The following DLC1 variants were observed in gnomAD, a reference collection of about 807,000 sequenced individuals.
The protein encoded by DLC1 is DLC1 Rho GTPase activating protein.
Under a neutral mutation model 140.3 loss-of-function variants are expected in DLC1, and 54 were observed. The observed-to-expected ratio is 0.38, with a 90% CI of 0.31 to 0.48. The LOEUF is 0.48. Among genes scored for constraint, DLC1 ranks in the 20% least tolerant of loss-of-function variants. The pLI, the probability that DLC1 is intolerant of heterozygous loss-of-function variation, is 0.96. For synonymous variants in DLC1, 986 were observed against 728.1 expected (o/e 1.35, Z -5.70); for missense variants, 2,536 against 1,907.0 (o/e 1.33, Z -6.14).
intron 5 of DLC1, among the ~76,000 whole-genome samples, chr8:13,175,500 T>G (rs185434653): frequency 5.3e-4 from 81 of 152,288 alleles, no homozygotes; most frequent in African/African-American, 1.9e-3. Context: ...TTTCAACTTT[T>G]AACCGTCTGT....
intron 5 of DLC1, among the ~76,000 whole-genome samples, chr8:13,200,002 T>G (rs1827290255): frequency 6.6e-6 from 1 of 152,182 alleles, no homozygotes; most frequent in Non-Finnish European, 1.5e-5. Context: ...GTTAGATGTA[T>G]TAATTCACTT....
chr8:13,426,078 G>T (rs1359978129), intron 2 of DLC1, among the ~76,000 whole-genome samples: 1 of 152,056 alleles, frequency 6.6e-6, no homozygotes, highest in Admixed American at 6.6e-5. Context: ...CTCTCAAAGT[G>T]CTGGAATTAC....
At chr8:13,212,228 A>G (rs973916979) in intron 5 of DLC1, among the ~76,000 whole-genome samples, 7 of 152,176 alleles carry the variant, frequency 4.6e-5, no homozygotes, top group African/African-American at 1.7e-4. Flanking sequence ...AGGATGACCA[A>G]CCAGCCACGA....
At chr8:13,353,219 C>T (rs1834756896) in intron 4 of DLC1, among the ~76,000 whole-genome samples, 1 of 152,064 alleles carries the variant, frequency 6.6e-6, no homozygotes, top group Admixed American at 6.6e-5. Flanking sequence ...AGACGAACAC[C>T]CAGGGAGAGG....
At chr8:13,346,475 C>A (rs990461090) in intron 4 of DLC1, among the ~76,000 whole-genome samples, 1 of 152,354 alleles carries the variant, frequency 6.6e-6, no homozygotes, top group African/African-American at 2.4e-5. Flanking sequence ...CATTTTCTCA[C>A]AGACGGCAAA....
chr8:13,151,289 A>G (rs917349661), intron 5 of DLC1, among the ~76,000 whole-genome samples: 8 of 152,232 alleles, frequency 5.3e-5, no homozygotes, highest in African/African-American at 1.4e-4. Context: ...CAGCATAATG[A>G]TAATACACAT....
intron 2 of DLC1, among the ~76,000 whole-genome samples, chr8:13,478,120 G>T (rs1475795190): frequency 6.6e-6 from 1 of 152,164 alleles, no homozygotes; most frequent in Non-Finnish European, 1.5e-5. Flanking sequence ...AGGTTTAACT[G>T]GCTTATGGTT....
chr8:13,189,174 A>G (rs1303454130), intron 5 of DLC1, among the ~76,000 whole-genome samples: 2 of 152,128 alleles, frequency 1.3e-5, no homozygotes, highest in African/African-American at 4.8e-5. Context: ...GCTTTTATGT[A>G]AGGTCATTCA....
intron 2 of DLC1, among the ~76,000 whole-genome samples, chr8:13,444,088 A>G (rs1242100796): frequency 6.8e-6 from 1 of 146,812 alleles, no homozygotes; most frequent in Non-Finnish European, 1.5e-5. Context: ...AGCTCAGAGG[A>G]TAAGTTTAGA....
rs1438262993 is a variant in DLC1, at chr8:13,329,819, ACCAG to A, written c.1315-24521_1315-24518del. On this transcript the variant is annotated intron_variant, in intron 4 of 17. Coordinates refer to ENST00000276297, the MANE Select transcript of DLC1 (RefSeq NM_182643.3). ...TTTTCTTTCTTTTTGTCCTCTCTATACCAGTGTGGTAACTTTCATGTAGTAAGTA... is the reference window on the plus strand; with the variant it reads ...TTTTCTTTCTTTTTGTCCTCTCTATATGTGGTAACTTTCATGTAGTAAGTA... 2.6e-5 allele frequency among the ~76,000 whole-genome samples: 4 copies of A among 152,250 alleles called. No homozygotes were observed. In the East Asian group the frequency reaches 7.7e-4, roughly 29 times the overall value.
At chr8:13,202,446 C>G (rs1827439556) in intron 5 of DLC1, among the ~76,000 whole-genome samples, 1 of 152,058 alleles carries the variant, frequency 6.6e-6, no homozygotes, top group Non-Finnish European at 1.5e-5. Flanking sequence ...AGTTTGTATT[C>G]CTGGATATTT....
intron 2 of DLC1, among the ~76,000 whole-genome samples, chr8:13,473,335 C>A (rs1800295716): frequency 1.3e-5 from 2 of 152,058 alleles, no homozygotes; most frequent in Admixed American, 1.3e-4. Flanking sequence ...CCATGCTGTT[C>A]CCGTGATAGT....
intron 5 of DLC1, among the ~76,000 whole-genome samples, chr8:13,224,010 G>C (rs1324032132): frequency 6.6e-6 from 1 of 152,158 alleles, no homozygotes; most frequent in Non-Finnish European, 1.5e-5. Context: ...TTTACCTTAA[G>C]TTGTCAAGAT....
intron 5 of DLC1, among the ~76,000 whole-genome samples, chr8:13,147,454 G>A (rs1422943603): frequency 6.6e-6 from 1 of 152,168 alleles, no homozygotes; most frequent in Admixed American, 6.5e-5. Context: ...AACTGGAAAA[G>A]AAAGTTCTTT....
intron 4 of DLC1, among the ~76,000 whole-genome samples, chr8:13,309,478 C>T (rs1487403725): frequency 1.3e-5 from 2 of 152,040 alleles, no homozygotes; most frequent in African/African-American, 4.8e-5. Context: ...TTAATACAAT[C>T]GAATTTTTAA....
intron 2 of DLC1, among the ~76,000 whole-genome samples, chr8:13,475,975 C>T (rs1271646375): frequency 6.6e-6 from 1 of 152,216 alleles, no homozygotes; most frequent in Non-Finnish European, 1.5e-5. Context: ...CCACTGAATA[C>T]TGAACCTGTG....
intron 5 of DLC1, among the ~76,000 whole-genome samples, chr8:13,201,136 A>T (rs954416899): frequency 2.6e-4 from 38 of 147,528 alleles, no homozygotes; most frequent in Non-Finnish European, 2.9e-5. Flanking sequence ...CAAGGAAACA[A>T]GGAAAAAAAA....
intron 5 of DLC1, among the ~76,000 whole-genome samples, chr8:13,125,836 AG>A (rs1220169097): frequency 1.3e-5 from 2 of 151,988 alleles, no homozygotes; most frequent in African/African-American, 4.8e-5. Flanking sequence ...GAGGGGAAAA[AG>A]GACCCATTTT....
intron 5 of DLC1, among the ~76,000 whole-genome samples, chr8:13,229,953 G>C (rs112073423): frequency 0.043 from 6,621 of 152,282 alleles, 364 homozygotes; most frequent in African/African-American, 0.12. Context: ...GATGTTGTCA[G>C]ACTACTAACT....
Sources: allele counts gnomAD v4.1 joint callset (sites outside exome capture counted in the v4.1 genomes callset), GRCh38; gene constraint gnomAD v4.1.1; transcripts MANE v1.5; gene names NCBI Gene and HGNC (gene_info 2026-07-23, HGNC 2026-07-21).